FRYL: variants seen among roughly 807,000 people sequenced by gnomAD.
The protein encoded by FRYL is protein furry homolog-like.
A neutral mutation model predicts 351.2 loss-of-function variants in FRYL; 150 were observed. That is an observed-to-expected ratio of 0.43 (90% CI 0.37 to 0.49). The LOEUF (loss-of-function observed/expected upper bound fraction) is 0.49, where lower values mean the gene tolerates loss of function less well. FRYL is among the 20% of genes least tolerant of loss of function. The pLI is 0.00. For missense variants in FRYL, 3,036 were observed against 3,619.3 expected (o/e 0.84, Z 4.13); for synonymous variants, 1,153 against 1,257.1 (o/e 0.92, Z 1.75).
intron 16 of FRYL, among the ~76,000 whole-genome samples, chr4:48,592,114 A>ATATATATATATATATATATATATATT (rs1272210127): frequency 5.8e-5 from 8 of 136,942 alleles, no homozygotes; most frequent in African/African-American, 2.3e-4. Flanking sequence ...ATATATATAT[A>ATATATATATATATATATATATATATT]TTTTATCTAA....
At chr4:48,582,858 A>G in intron 19 of FRYL, 124 bp from the exon 20 acceptor site, 3 of 689,674 alleles carry the variant, frequency 4.3e-6, no homozygotes, top group South Asian at 1.8e-5. Flanking sequence ...ATATGAAGAT[A>G]GCAACCAATG....
At chr4:48,664,718 T>C (rs1761419584) in intron 3 of FRYL, among the ~76,000 whole-genome samples, 1 of 152,198 alleles carries the variant, frequency 6.6e-6, no homozygotes, top group South Asian at 2.1e-4. Context: ...GAAAAGTGAA[T>C]TATTTTCAAG....
intron 1 of FRYL, among the ~76,000 whole-genome samples, chr4:48,715,481 AGAC>A (rs1560306319): frequency 1.3e-5 from 2 of 151,820 alleles, no homozygotes; most frequent in African/African-American, 2.4e-5. Flanking sequence ...CACCAATAAC[AGAC>A]AAACAGAGAG....
At chr4:48,620,582 C>A in intron 6 of FRYL, 57 bp downstream of exon 6, 2 of 1,512,964 alleles carry the variant, frequency 1.3e-6, no homozygotes, top group Non-Finnish European at 1.8e-6. Flanking sequence ...GATAATATCA[C>A]CCCTTCATTG....
At position 48,531,066 on chromosome 4, in the gene FRYL, C is replaced by CAA. The variant is rs1560546420; in HGVS notation, c.6903+89_6903+90insTT. The CAA allele has an allele frequency of 6.7e-6, 6 of 891,214 alleles. No homozygotes were observed. The African/African-American group carries it at 1.0e-4, about 15-fold the overall frequency. The allele number at this position is 891,214 out of a possible 1,614,324, so 55.2% of individuals were successfully genotyped here. A position where few individuals can be genotyped will look rare whatever the true frequency, so the allele number is the denominator to read the frequency against. Reference sequence around the variant, plus strand: ...CATATTGTCTAACACTGGGTATGAGCTCAATCAATGTTTGTTAAATCAAAG... The same window carrying CAA: ...CATATTGTCTAACACTGGGTATGAGCAATCAATCAATGTTTGTTAAATCAAAG... On this transcript the variant is annotated intron_variant, in intron 50 of 63. Transcript: ENST00000358350.
intron 3 of FRYL, among the ~76,000 whole-genome samples, chr4:48,660,775 T>C (rs1207185264): frequency 1.3e-5 from 2 of 152,196 alleles, no homozygotes; most frequent in Non-Finnish European, 2.9e-5. Context: ...ACTTAATCTG[T>C]ATTCTTCTTC....
intron 54 of FRYL, among the ~76,000 whole-genome samples, chr4:48,521,535 C>T (rs1161077935): frequency 5.3e-5 from 8 of 152,138 alleles, no homozygotes; most frequent in Admixed American, 3.3e-4. Context: ...TCATGGAGGA[C>T]GAAGATTTAT....
At chr4:48,609,622 G>GAAAAA in intron 8 of FRYL, 122 bp downstream of exon 8, 1 of 364,582 alleles carries the variant, frequency 2.7e-6, no homozygotes, top group Non-Finnish European at 5.1e-6. Flanking sequence ...CTTGCCTCAA[G>GAAAAA]AAAAAAAAAA....
chr4:48,717,838 G>A (rs1388626069), intron 1 of FRYL, among the ~76,000 whole-genome samples: 1 of 151,510 alleles, frequency 6.6e-6, no homozygotes, highest in East Asian at 1.9e-4. Context: ...ATCACGCATG[G>A]CCTTAAGTTG....
At position 48,532,542 on chromosome 4, in the gene FRYL, T is replaced by C. The variant is rs539880690; in HGVS notation, c.6706-1189A>G. On this transcript the variant is annotated intron_variant, in intron 49 of 63. Transcript: ENST00000358350. ...GCATGGTGGTATGTGCCTCTAATTCTAGCTACTTGGGAGGCTGAGGCAGGA... is the reference window on the plus strand; with the variant it reads ...GCATGGTGGTATGTGCCTCTAATTCCAGCTACTTGGGAGGCTGAGGCAGGA... 7.9e-5 allele frequency among the ~76,000 whole-genome samples: 12 copies of C among 152,078 alleles called. No individual in the cohort carries two copies. In the Middle Eastern group the frequency reaches 0.014, roughly 172 times the overall value.
At chr4:48,744,411 G>A (rs924913905) in intron 1 of FRYL, among the ~76,000 whole-genome samples, 2 of 152,002 alleles carry the variant, frequency 1.3e-5, no homozygotes, top group Non-Finnish European at 2.9e-5. Context: ...CATTATAAAT[G>A]ACAAGGAAAA....
rs199624611 is a variant in FRYL, at chr4:48,549,446, T to C, written c.4784+27A>G. 9.6e-4 allele frequency: 1,525 copies of C among 1,582,844 alleles called. 2 individuals carry two copies. Among genetic ancestry groups the C allele is most frequent in the Non-Finnish European group, 1.2e-3 (1,396 of 1,161,388 alleles). Reference sequence around the variant, plus strand: ...GTGTTCAGCAGCAACTTGGTGCATATGTAAAAGGAATGACGCTGTAGTCCA... The same window carrying C: ...GTGTTCAGCAGCAACTTGGTGCATACGTAAAAGGAATGACGCTGTAGTCCA... On this transcript the variant is annotated intron_variant, in intron 39 of 63. Transcript: ENST00000358350. The surrounding 1 kb of genome is among the most constrained non-coding windows in gnomAD (Gnocchi z 4.2).
chr4:48,615,458 G>A (rs1180190594), intron 7 of FRYL, among the ~76,000 whole-genome samples: 1 of 152,166 alleles, frequency 6.6e-6, no homozygotes, highest in African/African-American at 2.4e-5. Context: ...CTTCTTGTTT[G>A]TTTTAAAGAA....
chr4:48,515,431 G>C (rs764940803), intron 55 of FRYL, among the ~76,000 whole-genome samples, 156 bp from the exon 56 acceptor site: 14 of 152,174 alleles, frequency 9.2e-5, no homozygotes, highest in Non-Finnish European at 1.9e-4. Context: ...GCAATGGCGT[G>C]ATCTTGGCTC....
chr4:48,573,119 G>A, intron 26 of FRYL, 67 bp downstream of exon 26: 1 of 1,197,902 alleles, frequency 8.3e-7, no homozygotes, highest in Middle Eastern at 1.9e-4. Flanking sequence ...TCTAACTTTT[G>A]ATATAACATG....
chr4:48,666,169 C>T (rs1275930856), intron 3 of FRYL, among the ~76,000 whole-genome samples: 1 of 152,130 alleles, frequency 6.6e-6, no homozygotes, highest in Non-Finnish European at 1.5e-5. Flanking sequence ...TGAGACCAGC[C>T]TGGCCAACAT....
intron 1 of FRYL, among the ~76,000 whole-genome samples, chr4:48,728,677 T>C (rs1379277891): frequency 6.6e-6 from 1 of 152,058 alleles, no homozygotes; most frequent in Non-Finnish European, 1.5e-5. Context: ...ACACCATACC[T>C]ATAGAAGAAC....
intron 3 of FRYL, among the ~76,000 whole-genome samples, chr4:48,664,567 G>A (rs1347087254): frequency 1.3e-5 from 2 of 152,116 alleles, no homozygotes; most frequent in South Asian, 2.1e-4. Context: ...GGAATAGCCC[G>A]GTATGGGTCA....
intron 1 of FRYL, among the ~76,000 whole-genome samples, chr4:48,726,606 C>T (rs558124364): frequency 2.0e-5 from 3 of 152,254 alleles, no homozygotes; most frequent in East Asian, 1.9e-4. Flanking sequence ...TGCTTGAACC[C>T]GGGAAGCAGA....
Sources: allele counts gnomAD v4.1 joint callset (sites outside exome capture counted in the v4.1 genomes callset), GRCh38; gene constraint gnomAD v4.1.1; non-coding constraint Gnocchi (gnomAD v3.1); transcripts MANE v1.5; gene names NCBI Gene and HGNC (gene_info 2026-07-23, HGNC 2026-07-21).